TNFRSF8: variants seen among roughly 807,000 people sequenced by gnomAD.
The protein encoded by TNFRSF8 is tumor necrosis factor receptor superfamily member 8.
A neutral mutation model predicts 70.8 loss-of-function variants in TNFRSF8; 26 were observed. That is an observed-to-expected ratio of 0.37 (90% CI 0.27 to 0.51). The LOEUF is 0.51. Ranked by LOEUF, TNFRSF8 falls within the 20% of genes least tolerant of loss-of-function variation. The pLI is 0.94. For synonymous variants in TNFRSF8, 356 were observed against 339.2 expected (o/e 1.05, Z -0.54); for missense variants, 720 against 807.9 (o/e 0.89, Z 1.32).
rs370973053 is a variant in TNFRSF8 at position 12,123,364 on chromosome 1, G to A, written c.1027G>A (p.Glu343Lys). The A allele has an allele frequency of 1.6e-5, 25 of 1,610,192 alleles. No homozygotes were observed. The East Asian group carries it at 4.0e-4, about 26-fold the overall frequency. ...PDCNPTPENG[E>K]APASTSPTQS... The stretch of plus-strand genomic sequence containing the variant: ...CTGCAACCCCACCCCAGAGAATGGC[G>A]AGGCGCCTGCCAGGTGACTCCCCCA... Residue 343 changes from glutamate to lysine, a missense_variant, in exon 9 of 15, where the codon GAG (glutamate) becomes AAG (lysine). Physicochemically the swap from Glu to Lys is moderately conservative, Grantham distance 56. Transcript: ENST00000263932.
At chr1:12,139,614 C>T (rs1184172902) in intron 14 of TNFRSF8, among the ~76,000 whole-genome samples, 2 of 152,210 alleles carry the variant, frequency 1.3e-5, no homozygotes, top group African/African-American at 4.8e-5. Context: ...TTGGTGGACC[C>T]CACCTCTGTC....
At chr1:12,076,894 G>A (rs558134348) in intron 1 of TNFRSF8, among the ~76,000 whole-genome samples, 3 of 152,240 alleles carry the variant, frequency 2.0e-5, no homozygotes, top group Admixed American at 6.5e-5. Context: ...TGGTTGCTTA[G>A]GAGCGAGGGT....
intron 12 of TNFRSF8, among the ~76,000 whole-genome samples, chr1:12,134,124 T>C (rs1642103210): frequency 6.6e-6 from 1 of 152,216 alleles, no homozygotes; most frequent in South Asian, 2.1e-4. Context: ...GTCTTGCGTA[T>C]ACTTTATCCT....
chr1:12,097,768 A>G (rs1210978799), intron 3 of TNFRSF8, among the ~76,000 whole-genome samples: 4 of 151,794 alleles, frequency 2.6e-5, no homozygotes, highest in Admixed American at 2.6e-4. Flanking sequence ...GGTGGGGGAA[A>G]TTTGTTGAGA....
intron 12 of TNFRSF8, among the ~76,000 whole-genome samples, chr1:12,133,393 A>C (rs1184262891): frequency 6.6e-6 from 1 of 151,960 alleles, no homozygotes; most frequent in Non-Finnish European, 1.5e-5. Context: ...GCTGCTTGTA[A>C]AACTCAAAAT....
Position 12,076,869 on chromosome 1 carries a change from G to A in TNFRSF8, c.64-7595G>A, listed in dbSNP as rs183666076. Reference sequence around the variant, plus strand: ...GAGGTGACTACTGAGTTCGGCGTGTGGTGGTATAGTCTAGTGGTTGCTTAG... The same window carrying A: ...GAGGTGACTACTGAGTTCGGCGTGTAGTGGTATAGTCTAGTGGTTGCTTAG... On this transcript the variant is annotated intron_variant, in intron 1 of 14. Transcript: ENST00000263932. Among the ~76,000 whole-genome samples the A allele has an allele frequency of 6.3e-4, 96 of 152,286 alleles. 1 individual carries two copies. Among genetic ancestry groups the A allele is most frequent in the African/African-American group, 2.2e-3 (92 of 41,552 alleles).
intron 12 of TNFRSF8, among the ~76,000 whole-genome samples, chr1:12,134,009 C>T (rs2101041448): frequency 6.6e-6 from 1 of 152,248 alleles, no homozygotes; most frequent in East Asian, 1.9e-4. Flanking sequence ...CACTGCACTC[C>T]AGCCTGGGTG....
chr1:12,125,968 G>T lies in TNFRSF8; in HGVS notation c.1171G>T (p.Val391Leu), dbSNP rs1178802236. 8.7e-6 allele frequency: 14 copies of T among 1,614,072 alleles called. No individual in the cohort carries two copies. Among genetic ancestry groups the T allele is most frequent in the African/African-American group, 1.3e-5 (1 of 74,912 alleles). The change falls in exon 11 of 15, where the codon GTG becomes TTG. Residue 391 changes from valine (V) to leucine (L), a missense_variant. Val to Leu is a conservative substitution (Grantham distance 32). Transcript: ENST00000263932. ...TGTTCCAGGGCCAGTGCTCTTCTGG[G>T]TGATCCTGGTGTTGGTTGTGGTGGT... ...VLDAGPVLFW[V>L]ILVLVVVVGS...
At position 12,109,923 on chromosome 1, in the gene TNFRSF8, CA is replaced by C; in HGVS notation, c.513-117del. ...TCCCAGGAGCTTACAGTGGGCCCGC[CA>C]GAGGCAGTGGGCCAAGGGCCTGGGA... On this transcript the variant is annotated intron_variant, in intron 5 of 14. Coordinates refer to ENST00000263932, the MANE Select transcript of TNFRSF8 (RefSeq NM_001243.5). This position sits in a 1 kb window ranked among gnomAD's most constrained non-coding sequence, Gnocchi z 4.4. 1 of 1,301,168 alleles carries C rather than the reference CA, an allele frequency of 7.7e-7. No individual in the cohort carries two copies. Among genetic ancestry groups the C allele is most frequent in the Non-Finnish European group, 1.1e-6 (1 of 937,646 alleles). 80.6% of individuals were successfully genotyped at this position (1,301,168 alleles called of 1,614,324 possible).
chr1:12,126,061 C>T lies in TNFRSF8; in HGVS notation c.1255+9C>T, dbSNP rs1293427789. Reference sequence around the variant, plus strand: ...GAAGCGAATTCGGCAGAGTAAGTGGCTGTGTCCTTGGGGCCTTGGGGAGGA... The same window carrying T: ...GAAGCGAATTCGGCAGAGTAAGTGGTTGTGTCCTTGGGGCCTTGGGGAGGA... On this transcript the variant is annotated intron_variant, in intron 11 of 14. Coordinates refer to ENST00000263932, the MANE Select transcript of TNFRSF8 (RefSeq NM_001243.5). 1.2e-6 allele frequency: 2 copies of T among 1,613,808 alleles called. No homozygotes were observed. Among genetic ancestry groups the T allele is most frequent in the East Asian group, 2.2e-5 (1 of 44,890 alleles).
chr1:12,138,651 G>A lies in TNFRSF8; in HGVS notation c.1543+215G>A, dbSNP rs1642198112. ...ATTGTGCGGATTCATGAGCCAGTGT[G>A]CATGAGATGCCTGCTGTTACTCATA... On this transcript the variant is annotated intron_variant, in intron 14 of 14. Transcript: ENST00000263932. This position sits in a 1 kb window ranked among gnomAD's most constrained non-coding sequence, Gnocchi z 5.7. 6.6e-6 allele frequency among the ~76,000 whole-genome samples: 1 copy of A among 152,180 alleles called. No individual in the cohort carries two copies. Among genetic ancestry groups the A allele is most frequent in the South Asian group, 2.1e-4 (1 of 4,826 alleles).
intron 4 of TNFRSF8, among the ~76,000 whole-genome samples, chr1:12,104,749 C>T (rs566203986): frequency 6.6e-6 from 1 of 152,326 alleles, no homozygotes; most frequent in South Asian, 2.1e-4. Context: ...ACCCTGCTGT[C>T]CCCTGGCATA....
At chr1:12,093,888 G>C (rs1039685360) in intron 2 of TNFRSF8, among the ~76,000 whole-genome samples, 5 of 151,932 alleles carry the variant, frequency 3.3e-5, no homozygotes, top group African/African-American at 1.2e-4. Flanking sequence ...TGGCTAACAC[G>C]GTGAAACCCC....
intron 1 of TNFRSF8, among the ~76,000 whole-genome samples, chr1:12,083,949 C>T (rs940597188): frequency 3.3e-5 from 5 of 152,044 alleles, no homozygotes; most frequent in Non-Finnish European, 4.4e-5. Flanking sequence ...GGGGGGATGA[C>T]GGAGGAGCTG....
intron 12 of TNFRSF8, among the ~76,000 whole-genome samples, chr1:12,133,914 G>A (rs144090452): frequency 1.4e-4 from 21 of 152,126 alleles, no homozygotes; most frequent in African/African-American, 4.6e-4. Flanking sequence ...TTAGCCGGGC[G>A]TGGTGGCACA....
intron 2 of TNFRSF8, among the ~76,000 whole-genome samples, chr1:12,093,842 G>T (rs947106843): frequency 2.6e-5 from 4 of 152,050 alleles, no homozygotes; most frequent in Non-Finnish European, 5.9e-5. Context: ...AGGCCAAGGC[G>T]GGACGGATCA....
intron 10 of TNFRSF8, among the ~76,000 whole-genome samples, chr1:12,124,173 T>TC (rs987219951): frequency 1.1e-4 from 16 of 151,776 alleles, no homozygotes; most frequent in African/African-American, 3.6e-4. Context: ...CCTGGCTAAA[T>TC]TTTTTTTTAA....
intron 4 of TNFRSF8, among the ~76,000 whole-genome samples, chr1:12,106,978 G>A (rs1247624354): frequency 6.6e-6 from 1 of 152,232 alleles, no homozygotes; most frequent in Non-Finnish European, 1.5e-5. Context: ...CTGCTGGAGG[G>A]ACTGTCTGGG....
rs200934413 is a variant in TNFRSF8 at position 12,123,314 on chromosome 1, C to A, written c.977C>A (p.Ala326Glu). Reference sequence around the variant, plus strand: ...GCTGAGAAGGACACCACCTTTGAGGCGCCACCCCTGGGGACCCAGCCGGAC... The same window carrying A: ...GCTGAGAAGGACACCACCTTTGAGGAGCCACCCCTGGGGACCCAGCCGGAC... ...DMAEKDTTFE[A>E]PPLGTQPDCN... The change falls in exon 9 of 15, where the codon GCG (alanine) becomes GAG (glutamate). Residue 326 changes from alanine to glutamate, a missense_variant. Transcript: ENST00000263932. 1 of 1,613,292 alleles carries A rather than the reference C, an allele frequency of 6.2e-7. No individual in the cohort carries two copies. The highest frequency in any genetic ancestry group is 8.5e-7 in the Non-Finnish European group (1 of 1,179,760).
Sources: allele counts gnomAD v4.1 joint callset (sites outside exome capture counted in the v4.1 genomes callset), GRCh38; gene constraint gnomAD v4.1.1; non-coding constraint Gnocchi (gnomAD v3.1); transcripts MANE v1.5; gene names NCBI Gene and HGNC (gene_info 2026-07-23, HGNC 2026-07-21).